The following RABGAP1 variants were observed in gnomAD, a reference collection of about 807,000 sequenced individuals.
RABGAP1 encodes RAB GTPase activating protein 1.
RABGAP1 carries 23 observed loss-of-function variants against 137.6 expected under a neutral mutation model. The ratio of observed to expected loss-of-function variants is 0.17; its 90% CI spans 0.12 to 0.24. The LOEUF (loss-of-function observed/expected upper bound fraction) is 0.24, where lower values mean the gene tolerates loss of function less well. RABGAP1 is among the 10% of genes least tolerant of loss of function. The probability of loss-of-function intolerance (pLI) is 1.00; values close to 1 mark genes in which losing one functional copy is unlikely to be tolerated. For synonymous variants in RABGAP1, 451 were observed against 450.7 expected (o/e 1.00, Z -0.01); for missense variants, 906 against 1,275.8 (o/e 0.71, Z 4.42).
At chr9:122,949,460 G>C (rs1002657837) in intron 1 of RABGAP1, among the ~76,000 whole-genome samples, 2 of 152,118 alleles carry the variant, frequency 1.3e-5, no homozygotes, top group Non-Finnish European at 2.9e-5. Flanking sequence ...GTTACAGTGA[G>C]CTGAGATCAT....
Position 123,093,907 on chromosome 9 carries a change from G to C in RABGAP1, c.2628+3522G>C, listed in dbSNP as rs544931447. On this transcript the variant is annotated intron_variant, in intron 21 of 25. Transcript: ENST00000373647. Reference sequence around the variant, plus strand: ...AACAACAGTTGAAGCATTCAATCCAGAACATGTTAAAATTTTCCTTTATTA... The same window carrying C: ...AACAACAGTTGAAGCATTCAATCCACAACATGTTAAAATTTTCCTTTATTA... Among the ~76,000 whole-genome samples, 16 of 152,280 alleles carry C rather than the reference G, an allele frequency of 1.1e-4. No individual in the cohort carries two copies. The East Asian group carries it at 1.5e-3, about 15-fold the overall frequency.
At chr9:123,044,788 A>G (rs1228995062) in intron 13 of RABGAP1, among the ~76,000 whole-genome samples, 1 of 152,172 alleles carries the variant, frequency 6.6e-6, no homozygotes, top group Non-Finnish European at 1.5e-5. Flanking sequence ...AGATTTCCTT[A>G]GAAGGCAGTG....
Position 123,052,185 on chromosome 9 carries a change from A to G in RABGAP1, c.1795-13163A>G, listed in dbSNP as rs367819006. On this transcript the variant is annotated intron_variant, in intron 13 of 25. Coordinates refer to ENST00000373647, the MANE Select transcript of RABGAP1 (RefSeq NM_012197.4). ...ATAAGAGAATATTTTCACTTTTACA[A>G]TATGTTCATTTGGATTAAGAAGGTG... 3.8e-4 allele frequency among the ~76,000 whole-genome samples: 58 copies of G among 152,270 alleles called. 1 individual carries two copies. The highest frequency in any genetic ancestry group is 4.7e-4 in the Non-Finnish European group (32 of 68,020).
chr9:123,014,089 A>C (rs115118871), intron 11 of RABGAP1, among the ~76,000 whole-genome samples: 309 of 152,326 alleles, frequency 2.0e-3, no homozygotes, highest in African/African-American at 7.2e-3. Context: ...ACCCGATGAA[A>C]GCAATGAGAT....
intron 12 of RABGAP1, among the ~76,000 whole-genome samples, chr9:123,018,027 G>A (rs755650245): frequency 1.3e-5 from 2 of 152,014 alleles, no homozygotes; most frequent in African/African-American, 2.4e-5. Flanking sequence ...ACGGAGTCTC[G>A]CTGTCGCCCA....
intron 6 of RABGAP1, chr9:122,990,615 C>G (rs1391030883): frequency 1.3e-5 from 2 of 149,980 alleles, no homozygotes; most frequent in African/African-American, 4.9e-5. Context: ...ACTAAAAATA[C>G]AAAATTAGCC....
At chr9:123,089,882 C>G (rs749424436) in intron 20 of RABGAP1, 32 bp downstream of exon 20, 3 of 1,557,392 alleles carry the variant, frequency 1.9e-6, no homozygotes, top group Non-Finnish European at 2.6e-6. Context: ...GTGTGAGGAG[C>G]TCCCATGCTT....
chr9:123,103,623 A>ATATATG lies in RABGAP1; in HGVS notation c.*415_*416insGTATAT, dbSNP rs1564197081. On this transcript the variant is annotated 3_prime_UTR_variant, in exon 26 of 26. Coordinates refer to ENST00000373647, the MANE Select transcript of RABGAP1 (RefSeq NM_012197.4). ...TATATATATATATATATATATATAT[A>ATATATG]TATATATATATATAGTGGGGGTGGG... The ATATATG allele has an allele frequency of 2.5e-4, 23 of 90,878 alleles. No individual in the cohort carries two copies. Among genetic ancestry groups the ATATATG allele is most frequent in the Non-Finnish European group, 1.8e-4 (9 of 49,416 alleles). The allele number at this position is 90,878 out of a possible 1,614,324, so 5.6% of individuals were successfully genotyped here. A position where few individuals can be genotyped will look rare whatever the true frequency, so the allele number is the denominator to read the frequency against.
At chr9:123,078,416 C>T (rs1165914113) in intron 19 of RABGAP1, among the ~76,000 whole-genome samples, 1 of 151,966 alleles carries the variant, frequency 6.6e-6, no homozygotes, top group Non-Finnish European at 1.5e-5. Context: ...GCGACGATAT[C>T]GTATGTACAG....
chr9:123,006,050 C>A (rs770075161), intron 10 of RABGAP1, among the ~76,000 whole-genome samples: 13 of 152,048 alleles, frequency 8.5e-5, no homozygotes, highest in African/African-American at 1.2e-4. Flanking sequence ...TGACTTTGGT[C>A]TTTTTCGTCT....
chr9:122,964,240 C>G (rs1835007729), intron 2 of RABGAP1, among the ~76,000 whole-genome samples: 1 of 152,068 alleles, frequency 6.6e-6, no homozygotes, highest in African/African-American at 2.4e-5. Context: ...ACCCTGATAC[C>G]AAAATCAGAC....
At chr9:123,066,067 C>T (rs2034161289) in intron 14 of RABGAP1, among the ~76,000 whole-genome samples, 1 of 152,146 alleles carries the variant, frequency 6.6e-6, no homozygotes, top group African/African-American at 2.4e-5. Flanking sequence ...AATTAGTCTT[C>T]AGTCTTTTCC....
At chr9:123,074,164 G>T in intron 16 of RABGAP1, 121 bp from the exon 17 acceptor site, 1 of 1,229,732 alleles carries the variant, frequency 8.1e-7, no homozygotes, top group East Asian at 2.4e-5. Flanking sequence ...GCACTTTGGA[G>T]ATTTTTAGAA....
chr9:122,957,265 A>G, intron 2 of RABGAP1, 56 bp downstream of exon 2: 1 of 1,360,228 alleles, frequency 7.4e-7, no homozygotes, highest in African/African-American at 1.4e-5. Context: ...CCATTGCAAA[A>G]CTTGGCCTTA....
chr9:123,042,134 C>T (rs1016914644), intron 13 of RABGAP1, among the ~76,000 whole-genome samples: 1 of 152,102 alleles, frequency 6.6e-6, no homozygotes, highest in Non-Finnish European at 1.5e-5. Flanking sequence ...AATAATCAGC[C>T]CCCTTACCAC....
At chr9:123,006,567 C>A (rs897831373) in intron 10 of RABGAP1, among the ~76,000 whole-genome samples, 2 of 152,144 alleles carry the variant, frequency 1.3e-5, no homozygotes, top group East Asian at 1.9e-4. Flanking sequence ...TCTGGTCTTG[C>A]ATTAGAATCA....
intron 2 of RABGAP1, among the ~76,000 whole-genome samples, chr9:122,982,318 A>G (rs180784251): frequency 1.3e-4 from 20 of 152,360 alleles, no homozygotes; most frequent in Admixed American, 3.9e-4. Context: ...AGAATGCAAG[A>G]TAAACGTGTA....
intron 21 of RABGAP1, among the ~76,000 whole-genome samples, chr9:123,093,611 TC>T (rs1415527857): frequency 1.3e-5 from 2 of 152,264 alleles, no homozygotes; most frequent in Non-Finnish European, 2.9e-5. Flanking sequence ...TTATTAAAAA[TC>T]AATTGACCCT....
At chr9:123,035,561 C>T (rs1027582614) in intron 13 of RABGAP1, 1 of 1,612,554 alleles carries the variant, frequency 6.2e-7, no homozygotes, top group East Asian at 2.2e-5. Context: ...CAGACTACAG[C>T]CAACGACCCT....
Sources: allele counts gnomAD v4.1 joint callset (sites outside exome capture counted in the v4.1 genomes callset), GRCh38; gene constraint gnomAD v4.1.1; transcripts MANE v1.5; gene names NCBI Gene and HGNC (gene_info 2026-07-23, HGNC 2026-07-21).